SLC24A2: variants seen among roughly 807,000 people sequenced by gnomAD.
SLC24A2 encodes the protein sodium/potassium/calcium exchanger 2.
A neutral mutation model predicts 62.0 loss-of-function variants in SLC24A2; 36 were observed. The ratio of observed to expected loss-of-function variants is 0.58; its 90% CI spans 0.44 to 0.77. The LOEUF (loss-of-function observed/expected upper bound fraction) is 0.77, where lower values mean the gene tolerates loss of function less well. Ranked by LOEUF, SLC24A2 falls within the 30% of genes least tolerant of loss-of-function variation. The pLI, the probability that SLC24A2 is intolerant of heterozygous loss-of-function variation, is 0.00. For synonymous variants in SLC24A2, 358 were observed against 294.0 expected (o/e 1.22, Z -2.23); for missense variants, 846 against 817.9 (o/e 1.03, Z -0.42).
chr9:19,666,256 A>G (rs1418456241), intron 2 of SLC24A2, among the ~76,000 whole-genome samples: 1 of 152,058 alleles, frequency 6.6e-6, no homozygotes, highest in Non-Finnish European at 1.5e-5. Flanking sequence ...AAATACAAAA[A>G]TTAGCCAGGC....
intron 2 of SLC24A2, among the ~76,000 whole-genome samples, chr9:19,707,955 A>C (rs534280896): frequency 6.6e-6 from 1 of 152,310 alleles, no homozygotes; most frequent in South Asian, 2.1e-4. Context: ...GGAAAAGAGG[A>C]AGTCAAATTG....
rs374450536 is a variant in SLC24A2, at chr9:19,597,178, A to G, written c.1129+51T>C. 1.2e-5 allele frequency: 14 copies of G among 1,185,594 alleles called. No individual in the cohort carries two copies. In the East Asian group the frequency reaches 1.6e-4, roughly 14 times the overall value. 73.4% of individuals were successfully genotyped at this position (1,185,594 alleles called of 1,614,324 possible). ...AGAATAAAAAATGGGCAAGCAACAG[A>G]CACCATAAATGTAAAAAAGCCAATG... On this transcript the variant is annotated intron_variant, in intron 5 of 10. Coordinates refer to ENST00000341998, the MANE Select transcript of SLC24A2 (RefSeq NM_020344.4).
At chr9:19,850,969 ATATATATATATATATG>A in the SLC24A2 span, among the ~76,000 whole-genome samples, 532 of 36,276 alleles carry the variant, frequency 0.015, 22 homozygotes, top group African/African-American at 0.061. Flanking sequence ...ATATATATGT[ATATATATATATATATG>A]TATATATATA....
At chr9:19,893,485 G>A in the SLC24A2 span, among the ~76,000 whole-genome samples, 1 of 152,176 alleles carries the variant, frequency 6.6e-6, no homozygotes, top group Non-Finnish European at 1.5e-5. Flanking sequence ...GACACTCATG[G>A]AGCAGGAATT....
At chr9:19,723,153 G>GT (rs1307200464) in intron 2 of SLC24A2, among the ~76,000 whole-genome samples, 2 of 151,710 alleles carry the variant, frequency 1.3e-5, no homozygotes, top group Non-Finnish European at 2.9e-5. Flanking sequence ...AAATTATATT[G>GT]TTTTTCAATG....
At chr9:19,558,868 G>A (rs1051475363) in intron 7 of SLC24A2, among the ~76,000 whole-genome samples, 6 of 152,194 alleles carry the variant, frequency 3.9e-5, no homozygotes, top group Non-Finnish European at 7.3e-5. Flanking sequence ...TGGTAAAAAG[G>A]TATGTGCCTA....
the SLC24A2 span, among the ~76,000 whole-genome samples, chr9:19,867,580 G>A: frequency 8.6e-5 from 13 of 151,930 alleles, no homozygotes; most frequent in Admixed American, 2.6e-4. Flanking sequence ...ATCTTGGTCA[G>A]TCTACCCCAG....
At chr9:19,638,340 C>T (rs1818410881) in intron 2 of SLC24A2, among the ~76,000 whole-genome samples, 1 of 152,182 alleles carries the variant, frequency 6.6e-6, no homozygotes, top group African/African-American at 2.4e-5. Flanking sequence ...ACTAGTTTTA[C>T]AGGAAATCAA....
chr9:19,681,233 G>A (rs773147499), intron 2 of SLC24A2, among the ~76,000 whole-genome samples: 27 of 151,978 alleles, frequency 1.8e-4, no homozygotes, highest in Non-Finnish European at 4.4e-5. Context: ...TCTCTGCAAT[G>A]CTGTTTACAC....
the SLC24A2 span, among the ~76,000 whole-genome samples, chr9:20,181,398 A>C: frequency 1.3e-5 from 2 of 152,208 alleles, no homozygotes; most frequent in Non-Finnish European, 2.9e-5. Context: ...CTACAGGGTT[A>C]CAGTCACCAA....
the SLC24A2 span, among the ~76,000 whole-genome samples, chr9:20,275,934 G>T: frequency 6.6e-6 from 1 of 152,086 alleles, no homozygotes; most frequent in African/African-American, 2.4e-5. Flanking sequence ...AGCATGTGAA[G>T]AAAACCACCC....
the SLC24A2 span, among the ~76,000 whole-genome samples, chr9:20,121,592 G>A: frequency 6.6e-6 from 1 of 152,092 alleles, no homozygotes; most frequent in African/African-American, 2.4e-5. Context: ...AAATGCTCTA[G>A]AGGATTTCTG....
At chr9:19,712,695 T>G (rs1469520232) in intron 2 of SLC24A2, among the ~76,000 whole-genome samples, 1 of 152,116 alleles carries the variant, frequency 6.6e-6, no homozygotes, top group African/African-American at 2.4e-5. Context: ...CAAGTTCCCA[T>G]CTCATGGCCT....
At chr9:20,137,519 T>C in the SLC24A2 span, among the ~76,000 whole-genome samples, 4 of 152,228 alleles carry the variant, frequency 2.6e-5, no homozygotes, top group Non-Finnish European at 4.4e-5. Context: ...TTGGAAATAC[T>C]TGTGTCTGTA....
At chr9:19,709,783 G>A (rs1234133205) in intron 2 of SLC24A2, among the ~76,000 whole-genome samples, 2 of 149,746 alleles carry the variant, frequency 1.3e-5, no homozygotes, top group Admixed American at 6.6e-5. Context: ...ATAGCATTAG[G>A]AGATATACCT....
the SLC24A2 span, among the ~76,000 whole-genome samples, chr9:20,035,703 T>A: frequency 6.6e-6 from 1 of 152,108 alleles, no homozygotes; most frequent in Admixed American, 6.5e-5. Context: ...CAGGCTGCAG[T>A]GAGCCAGGAT....
the SLC24A2 span, among the ~76,000 whole-genome samples, chr9:19,983,094 A>G: frequency 2.0e-4 from 31 of 152,226 alleles, no homozygotes; most frequent in Non-Finnish European, 3.7e-4. Flanking sequence ...CCCTAAGATT[A>G]GGAACAAGAC....
the SLC24A2 span, among the ~76,000 whole-genome samples, chr9:20,267,229 A>G: frequency 6.6e-6 from 1 of 152,238 alleles, no homozygotes; most frequent in Non-Finnish European, 1.5e-5. Context: ...TTCTTTAATC[A>G]CAAAGATATT....
chr9:19,802,554 G>A, the SLC24A2 span, among the ~76,000 whole-genome samples: 1 of 152,074 alleles, frequency 6.6e-6, no homozygotes, highest in Non-Finnish European at 1.5e-5. Flanking sequence ...AATGTTAAAT[G>A]CTTAAATATT....
Sources: gnomAD v4.1 joint callset for allele counts (sites outside exome capture counted in the v4.1 genomes callset) on GRCh38, gnomAD v4.1.1 for gene constraint, MANE v1.5 for transcripts, NCBI Gene and HGNC (gene_info 2026-07-23, HGNC 2026-07-21) for gene names.